The following EPHA4 variants were observed in gnomAD, a reference collection of about 807,000 sequenced individuals.
The protein encoded by EPHA4 is EPH receptor A4.
In EPHA4, 19 loss-of-function variants were observed where a neutral mutation model predicts 108.3. That is an observed-to-expected ratio of 0.18 (90% confidence interval 0.12 to 0.26). The LOEUF is 0.26. Among genes scored for constraint, EPHA4 ranks in the 10% least tolerant of loss-of-function variants. The pLI is 1.00. For missense variants in EPHA4, 917 were observed against 1,254.0 expected, an observed-to-expected ratio of 0.73 and a Z score of 4.06; for synonymous variants, 449 against 455.5, an observed-to-expected ratio of 0.99 and a Z score of 0.18.
At chr2:221,565,146 C>A (rs971011261) in intron 2 of EPHA4, among the ~76,000 whole-genome samples, 2 of 152,132 alleles carry the variant, frequency 1.3e-5, no homozygotes, top group African/African-American at 4.8e-5. Flanking sequence ...AACAGACATG[C>A]TTTGCTTCTA....
At chr2:221,505,008 C>T (rs957288556) in intron 3 of EPHA4, among the ~76,000 whole-genome samples, 16 of 152,154 alleles carry the variant, frequency 1.1e-4, no homozygotes, top group Non-Finnish European at 2.1e-4. Flanking sequence ...GTTCCCCCAG[C>T]CCATCCTCTT....
At chr2:221,477,789 A>G (rs534203829) in intron 5 of EPHA4, among the ~76,000 whole-genome samples, 1 of 152,326 alleles carries the variant, frequency 6.6e-6, no homozygotes, top group South Asian at 2.1e-4. Flanking sequence ...TTCATAGCCC[A>G]CAGCTCAGGG....
intron 11 of EPHA4, 72 bp downstream of exon 11, chr2:221,442,757 C>T: frequency 1.3e-6 from 2 of 1,519,618 alleles, no homozygotes; most frequent in Non-Finnish European, 1.8e-6. Context: ...TGTCATTTCC[C>T]TGGAAAGAAA....
chr2:221,537,164 G>C (rs1174092186), intron 3 of EPHA4, among the ~76,000 whole-genome samples: 4 of 152,126 alleles, frequency 2.6e-5, no homozygotes, highest in Non-Finnish European at 5.9e-5. Flanking sequence ...CAAAAAACAA[G>C]CAAGGCCCAA....
intron 4 of EPHA4, among the ~76,000 whole-genome samples, chr2:221,491,416 G>C (rs1692140931): frequency 6.6e-6 from 1 of 152,162 alleles, no homozygotes; most frequent in Non-Finnish European, 1.5e-5. Context: ...ACTAAGATAA[G>C]TTAAGCAAAT....
At chr2:221,573,236 G>C (rs909580050), upstream of EPHA4, 4 of 152,246 alleles carry the variant, frequency 2.6e-5, no homozygotes, top group Non-Finnish European at 4.4e-5. This position sits in a 1 kb window ranked among gnomAD's most constrained non-coding sequence, Gnocchi z 4.5. Context: ...AAGGCAGACC[G>C]GGACTGGGAA....
At chr2:221,495,097 G>A (rs1437779819) in intron 4 of EPHA4, among the ~76,000 whole-genome samples, 1 of 151,530 alleles carries the variant, frequency 6.6e-6, no homozygotes, top group African/African-American at 2.4e-5. Context: ...CAATAACTTG[G>A]TGAGGATTCT....
intron 2 of EPHA4, among the ~76,000 whole-genome samples, chr2:221,565,173 T>A (rs1263886318): frequency 6.6e-6 from 1 of 152,120 alleles, no homozygotes; most frequent in South Asian, 2.1e-4. Flanking sequence ...CCGTGGACAT[T>A]AAAAATAAAA....
At chr2:221,441,192 CTTTTCT>C (rs1210820931) in intron 11 of EPHA4, among the ~76,000 whole-genome samples, 67 of 136,572 alleles carry the variant, frequency 4.9e-4, no homozygotes, top group African/African-American at 7.9e-4. Flanking sequence ...TTTTTCTTTT[CTTTTCT>C]TTTTTTTTTT....
chr2:221,529,071 T>C (rs1693423109), intron 3 of EPHA4, among the ~76,000 whole-genome samples: 1 of 152,174 alleles, frequency 6.6e-6, no homozygotes. Context: ...ACATACAATA[T>C]AGTAATAGAT....
chr2:221,567,761 G>A (rs1574667380), intron 2 of EPHA4, among the ~76,000 whole-genome samples: 1 of 152,234 alleles, frequency 6.6e-6, no homozygotes, highest in African/African-American at 2.4e-5. Context: ...GGACCGGTGT[G>A]GAGCCCACGC....
At chr2:221,499,425 C>T (rs1245533382) in intron 4 of EPHA4, among the ~76,000 whole-genome samples, 1 of 149,360 alleles carries the variant, frequency 6.7e-6, no homozygotes. Flanking sequence ...AGATTTTTTT[C>T]AAGTACCTAA....
chr2:221,526,132 T>C (rs1693317148), intron 3 of EPHA4, among the ~76,000 whole-genome samples: 1 of 152,262 alleles, frequency 6.6e-6, no homozygotes, highest in Non-Finnish European at 1.5e-5. Flanking sequence ...ATTCCCATTT[T>C]AAGCTAAGGA....
intron 8 of EPHA4, among the ~76,000 whole-genome samples, chr2:221,446,557 GTATATGTATA>G (rs1690600162): frequency 6.6e-6 from 1 of 151,920 alleles, no homozygotes; most frequent in South Asian, 2.1e-4. Context: ...GTACATGTGT[GTATATGTATA>G]TATACATTCT....
chr2:221,426,730 G>T, intron 15 of EPHA4, 111 bp from the exon 16 acceptor site: 1 of 941,670 alleles, frequency 1.1e-6, no homozygotes, highest in Non-Finnish European at 1.6e-6. Flanking sequence ...CTAAGGGAAG[G>T]TTTTAAATGG....
chr2:221,429,434 C>G (rs1690007394), intron 15 of EPHA4, among the ~76,000 whole-genome samples: 1 of 152,206 alleles, frequency 6.6e-6, no homozygotes, highest in East Asian at 1.9e-4. Flanking sequence ...CATTTCCTAT[C>G]TTGGCCCTGT....
chr2:221,468,990 T>C (rs1434850405), intron 5 of EPHA4, among the ~76,000 whole-genome samples: 1 of 152,242 alleles, frequency 6.6e-6, no homozygotes, highest in Non-Finnish European at 1.5e-5. Flanking sequence ...AGTCAGTGGA[T>C]GAACCCAGAA....
chr2:221,499,725 T>A, intron 4 of EPHA4, among the ~76,000 whole-genome samples: 1 of 48,166 alleles, frequency 2.1e-5, no homozygotes, highest in African/African-American at 1.1e-4. Context: ...AATATATATA[T>A]ATATATATAT....
chr2:221,544,895 CAGAGTG>C (rs1277986469), intron 3 of EPHA4, among the ~76,000 whole-genome samples: 1 of 152,156 alleles, frequency 6.6e-6, no homozygotes, highest in Non-Finnish European at 1.5e-5. Context: ...CACGTGAGGA[CAGAGTG>C]AGAAGGCAGC....
Sources: allele counts gnomAD v4.1 joint callset (sites outside exome capture counted in the v4.1 genomes callset), GRCh38; gene constraint gnomAD v4.1.1; non-coding constraint Gnocchi (gnomAD v3.1); transcripts MANE v1.5; gene names NCBI Gene and HGNC (gene_info 2026-07-23, HGNC 2026-07-21).